Variants in CR2 observed in about 807,000 individuals in gnomAD.
CR2 encodes complement receptor type 2.
Under a neutral mutation model 123.0 loss-of-function variants are expected in CR2, and 96 were observed. The observed-to-expected ratio is 0.78, with a 90% CI of 0.66 to 0.93. CR2 has a LOEUF of 0.93. Ranked by LOEUF, CR2 falls within the 40% of genes least tolerant of loss-of-function variation. The probability of loss-of-function intolerance (pLI) is 0.00; values close to 1 mark genes in which losing one functional copy is unlikely to be tolerated. For synonymous variants in CR2, 484 were observed against 469.5 expected (o/e 1.03, Z -0.40); for missense variants, 1,258 against 1,361.0 (o/e 0.92, Z 1.19).
intron 16 of CR2, among the ~76,000 whole-genome samples, chr1:207,478,833 A>G (rs1658520293): frequency 6.6e-6 from 1 of 152,088 alleles, no homozygotes; most frequent in Admixed American, 6.6e-5. Context: ...CTCTGATTAT[A>G]AAGTTGAGTA....
At chr1:207,485,361 A>G in intron 18 of CR2, 103 bp from the exon 19 acceptor site, 1 of 749,652 alleles carries the variant, frequency 1.3e-6, no homozygotes, top group Non-Finnish European at 2.4e-6. Flanking sequence ...TCATCCACAA[A>G]AGTACTTACC....
chr1:207,469,958 A>G lies in CR2; in HGVS notation c.1081A>G (p.Met361Val). The G allele has an allele frequency of 6.2e-7, 1 of 1,613,994 alleles. No individual in the cohort carries two copies. The highest frequency in any genetic ancestry group is 8.5e-7 in the Non-Finnish European group (1 of 1,179,928). Residue 361 changes from methionine to valine, a missense_variant, in exon 6 of 20, where the codon ATG (methionine) becomes GTG (valine). Coordinates refer to ENST00000367057, the MANE Select transcript of CR2 (RefSeq NM_001006658.3). The part of the protein sequence containing the change: ...CPHPQILRGR[M>V]VSGQKDRYTY... Reference sequence around the variant, plus strand: ...ACATCCCCAGATCCTAAGAGGCCGAATGGTATCTGGGCAGAAAGATCGATA... The same window carrying G: ...ACATCCCCAGATCCTAAGAGGCCGAGTGGTATCTGGGCAGAAAGATCGATA...
At chr1:207,474,717 C>A in intron 13 of CR2, 107 bp from the exon 14 acceptor site, 2 of 1,220,116 alleles carry the variant, frequency 1.6e-6, no homozygotes, top group Non-Finnish European at 2.4e-6. Context: ...AAGTTATTTT[C>A]TAGTTATGTG....
At position 207,454,778 on chromosome 1, in the gene CR2, C is replaced by T; in HGVS notation, c.58+302C>T. ...GCGGTCTCCTGCCGGGCTCCCCGCC[C>T]CCAGGATTCTGCAGGTGCTCATCGC... is the stretch of plus-strand genomic sequence containing the variant. On this transcript the variant is annotated intron_variant, in intron 1 of 19. Coordinates refer to ENST00000367057, the MANE Select transcript of CR2 (RefSeq NM_001006658.3). The surrounding 1 kb of genome is among the most constrained non-coding windows in gnomAD (Gnocchi z 4.3). 5.2e-6 allele frequency: 2 copies of T among 382,410 alleles called. No homozygotes were observed. The highest frequency in any genetic ancestry group is 9.5e-6 in the Non-Finnish European group (2 of 211,628). The allele number at this position is 382,410 out of a possible 1,614,324, so 23.7% of individuals were successfully genotyped here. A position where few individuals can be genotyped will look rare whatever the true frequency, so the allele number is the denominator to read the frequency against.
chr1:207,454,375 G>A lies in CR2; in HGVS notation c.-44G>A, dbSNP rs963245499. 8.5e-6 allele frequency: 13 copies of A among 1,535,806 alleles called. No homozygotes were observed. Among genetic ancestry groups the A allele is most frequent in the Non-Finnish European group, 1.1e-5 (13 of 1,141,030 alleles). Reference sequence around the variant, plus strand: ...GCCCTCCCAGAGCTGCCGGACGCTCGCGGGTCTCGGAACGCATCCCGCCGC... The same window carrying A: ...GCCCTCCCAGAGCTGCCGGACGCTCACGGGTCTCGGAACGCATCCCGCCGC... On this transcript the variant is annotated 5_prime_UTR_variant, in exon 1 of 20. Coordinates refer to ENST00000367057, the MANE Select transcript of CR2 (RefSeq NM_001006658.3). The surrounding 1 kb of genome is among the most constrained non-coding windows in gnomAD (Gnocchi z 4.3).
chr1:207,479,164 G>A (rs897185991), intron 16 of CR2, 93 bp from the exon 17 acceptor site: 3 of 988,496 alleles, frequency 3.0e-6, no homozygotes, highest in Non-Finnish European at 4.9e-6. Flanking sequence ...GAGCTAGAGT[G>A]TTGATTTCTG....
rs1658558404 is a variant in CR2, at chr1:207,479,984, C to T, written c.3119C>T (p.Ala1040Val). The change falls in exon 18 of 20, where the codon GCT becomes GTT. Residue 1040 changes from alanine to valine, a missense_variant. Transcript: ENST00000367057. Reference sequence around the variant, plus strand: ...TGCTGGATTTTTCTTCTAGGTATTGCTGCAGGTTTGATACTTCTTACCTTC... The same window carrying T: ...TGCTGGATTTTTCTTCTAGGTATTGTTGCAGGTTTGATACTTCTTACCTTC... ...RSLAPVLCGI[A>V]AGLILLTFLI... 2 of 1,612,194 alleles carry T rather than the reference C, an allele frequency of 1.2e-6. No homozygotes were observed. Among genetic ancestry groups the T allele is most frequent in the East Asian group, 4.5e-5 (2 of 44,848 alleles).
At chr1:207,483,778 T>C (rs111438187) in intron 18 of CR2, among the ~76,000 whole-genome samples, 1 of 152,100 alleles carries the variant, frequency 6.6e-6, no homozygotes, top group Non-Finnish European at 1.5e-5. Flanking sequence ...GGTTCTGACC[T>C]GGTACTTTGA....
Position 207,485,557 on chromosome 1 carries a change from A to G in CR2, c.*3A>G, listed in dbSNP as rs775929641. On this transcript the variant is annotated 3_prime_UTR_variant, in exon 19 of 20. Transcript: ENST00000367057. ...ATCCATACAACCCAGCCAGCTGATC[A>G]GAAGACAAACTGGTGGTATGTAATG... 1.9e-6 allele frequency: 3 copies of G among 1,592,228 alleles called. No homozygotes were observed. The highest frequency in any genetic ancestry group is 1.1e-5 in the South Asian group (1 of 90,634).
At chr1:207,455,977 T>C (rs1657824409) in intron 1 of CR2, among the ~76,000 whole-genome samples, 1 of 152,208 alleles carries the variant, frequency 6.6e-6, no homozygotes, top group East Asian at 1.9e-4. Context: ...AACAACCTCA[T>C]CTCTTTTAAG....
rs765653703 is a variant in CR2, at chr1:207,470,886, G to T, written c.1372G>T (p.Val458Leu). The change falls in exon 7 of 20, where the codon GTG becomes TTG. Residue 458 changes from valine (V) to leucine (L), a missense_variant. Physicochemically the swap from Val to Leu is conservative, Grantham distance 32. Coordinates refer to ENST00000367057, the MANE Select transcript of CR2 (RefSeq NM_001006658.3). ...ATCCATACAGTGTACCTCTGAGGGG[G>T]TGTGGACACCCCCTGTACCCCAATG... ...EESIQCTSEG[V>L]WTPPVPQCKV... 6.2e-7 allele frequency: 1 copy of T among 1,613,908 alleles called. No individual in the cohort carries two copies. The highest frequency in any genetic ancestry group is 1.1e-5 in the South Asian group (1 of 91,084).
At chr1:207,477,490 G>A (rs1264754125) in intron 15 of CR2, among the ~76,000 whole-genome samples, 2 of 152,080 alleles carry the variant, frequency 1.3e-5, no homozygotes, top group South Asian at 4.1e-4. Context: ...ACACTGAAAA[G>A]AAGAAAGAAA....
chr1:207,480,519 G>A (rs1295161268), intron 18 of CR2, among the ~76,000 whole-genome samples: 1 of 152,038 alleles, frequency 6.6e-6, no homozygotes, highest in Non-Finnish European at 1.5e-5. Flanking sequence ...GTATTTATGT[G>A]TTTTAAGTTC....
At chr1:207,463,763 T>A (rs1190995422) in intron 1 of CR2, among the ~76,000 whole-genome samples, 2 of 152,164 alleles carry the variant, frequency 1.3e-5, no homozygotes, top group Admixed American at 1.3e-4. Context: ...TGGTGACTCA[T>A]CTGCTACATG....
chr1:207,463,610 G>C (rs1209702795), intron 1 of CR2, among the ~76,000 whole-genome samples: 1 of 152,118 alleles, frequency 6.6e-6, no homozygotes, highest in African/African-American at 2.4e-5. Flanking sequence ...TTTCTAAAAT[G>C]TAAGTCTAGC....
chr1:207,459,962 A>G (rs1657926702), intron 1 of CR2, among the ~76,000 whole-genome samples: 2 of 152,134 alleles, frequency 1.3e-5, no homozygotes, highest in South Asian at 2.1e-4. Context: ...TCCTTTCATC[A>G]TGGAAAGTTA....
intron 1 of CR2, among the ~76,000 whole-genome samples, chr1:207,459,086 G>A (rs550307226): frequency 6.6e-6 from 1 of 152,302 alleles, no homozygotes; most frequent in East Asian, 1.9e-4. Context: ...AAAAATATGA[G>A]GATTACATAA....
intron 18 of CR2, among the ~76,000 whole-genome samples, chr1:207,483,554 T>TG (rs769890444): frequency 1.0e-5 from 1 of 98,182 alleles, no homozygotes; most frequent in Non-Finnish European, 2.5e-5. Context: ...TACTGCACAC[T>TG]GTTTTTTTTT....
chr1:207,473,449 C>A, intron 10 of CR2, 96 bp from the exon 11 acceptor site: 1 of 1,332,170 alleles, frequency 7.5e-7, no homozygotes, highest in Non-Finnish European at 1.1e-6. Context: ...TCTTTGGCAT[C>A]AGAGTTTCAG....
Sources: allele counts gnomAD v4.1 joint callset (sites outside exome capture counted in the v4.1 genomes callset), GRCh38; gene constraint gnomAD v4.1.1; non-coding constraint Gnocchi (gnomAD v3.1); transcripts MANE v1.5; gene names NCBI Gene and HGNC (gene_info 2026-07-23, HGNC 2026-07-21).